COL6A3: variants seen among roughly 807,000 people sequenced by gnomAD.
The protein encoded by COL6A3 is collagen type VI alpha 3 chain.
Under a neutral mutation model 274.1 loss-of-function variants are expected in COL6A3, and 137 were observed. The observed-to-expected ratio is 0.50, with a 90% CI of 0.44 to 0.58. COL6A3 has a LOEUF of 0.58. Among genes scored for constraint, COL6A3 ranks in the 20% least tolerant of loss-of-function variants. The pLI is 0.00. For synonymous variants in COL6A3, 1,650 were observed against 1,650.6 expected, an observed-to-expected ratio of 1.00 and a Z score of 0.01; for missense variants, 3,950 against 4,124.9, an observed-to-expected ratio of 0.96 and a Z score of 1.16.
chr2:237,383,478 A>G (rs2078062773), intron 4 of COL6A3, among the ~76,000 whole-genome samples: 1 of 152,142 alleles, frequency 6.6e-6, no homozygotes, highest in South Asian at 2.1e-4. Context: ...AGATAAAACT[A>G]ATGTGTAGAT....
At chr2:237,405,014 C>A (rs2078684887) in intron 1 of COL6A3, among the ~76,000 whole-genome samples, 1 of 152,042 alleles carries the variant, frequency 6.6e-6, no homozygotes, top group African/African-American at 2.4e-5. Flanking sequence ...ATACACTGTG[C>A]ACAGGAATTA....
Position 237,340,780 on chromosome 2 carries a change from G to T in COL6A3, c.8136C>A (p.Thr2712=). Residue 2712 remains threonine (T), a synonymous_variant, in exon 38 of 44, where the codon ACC becomes ACA. Coordinates refer to ENST00000295550, the MANE Select transcript of COL6A3 (RefSeq NM_004369.4). ...ATTCAATGGCACTGCCTAAGGCCCT[G>T]GTTCCCTGCAACTGTGTCATTCCCC... ...LSRGMTQLQG[T]RALGSAIEYT... The T allele has an allele frequency of 6.2e-7, 1 of 1,614,160 alleles. No homozygotes were observed. Among genetic ancestry groups the T allele is most frequent in the Non-Finnish European group, 8.5e-7 (1 of 1,180,036 alleles).
intron 27 of COL6A3, among the ~76,000 whole-genome samples, chr2:237,350,776 G>A (rs188140955): frequency 1.5e-4 from 23 of 152,282 alleles, no homozygotes; most frequent in African/African-American, 3.9e-4. Flanking sequence ...ATATTATACT[G>A]AAACTGTACC....
chr2:237,353,007 C>T (rs564313118), intron 25 of COL6A3, among the ~76,000 whole-genome samples: 6 of 152,136 alleles, frequency 3.9e-5, no homozygotes, highest in Non-Finnish European at 8.8e-5. Context: ...CATGATGCTC[C>T]GTCAAGCCAC....
chr2:237,410,538 C>G (rs140633269), intron 1 of COL6A3, among the ~76,000 whole-genome samples: 1 of 152,228 alleles, frequency 6.6e-6, no homozygotes, highest in East Asian at 1.9e-4. Flanking sequence ...CTCCTGGGCT[C>G]AAGCGATCCG....
chr2:237,325,500 G>A (rs1378516312), intron 43 of COL6A3, 60 bp downstream of exon 43: 20 of 1,556,860 alleles, frequency 1.3e-5, no homozygotes, highest in Non-Finnish European at 1.7e-5. Context: ...TTTTCAAGGT[G>A]ACTTATTGAC....
In COL6A3 at chr2:237,374,690, T is replaced by C; in HGVS notation, c.3401A>G (p.Gln1134Arg). Residue 1134 changes from glutamine (Q) to arginine (R), a missense_variant, in exon 8 of 44, where the codon CAG becomes CGG. By Grantham distance (43) the Gln-to-Arg change is conservative. This residue lies in a region of COL6A3 where 1,934 missense variants were observed against 1,984.3 expected (regional missense o/e 0.97). Transcript: ENST00000295550. The surrounding 1 kb of genome is among the most constrained non-coding windows in gnomAD (Gnocchi z 4.8). ...AGSRITEGVP[Q>R]LLIVLTADRS... ...GTCGGCCGTGAGGACGATCAGCAGC[T>C]GGGGCACACCTTCTGTTATCCTGCT... is the stretch of plus-strand genomic sequence containing the variant. 1.2e-6 allele frequency: 2 copies of C among 1,613,786 alleles called. No individual in the cohort carries two copies. Among genetic ancestry groups the C allele is most frequent in the Non-Finnish European group, 1.7e-6 (2 of 1,179,760 alleles).
chr2:237,344,879 C>G lies in COL6A3; in HGVS notation c.7175-36G>C. The stretch of plus-strand genomic sequence containing the variant: ...TAGAGGGTGGAGGGTTAAAGACAAA[C>G]TGTACTTACTACAAAAGGGAGGCTT... On this transcript the variant is annotated intron_variant, in intron 35 of 43. Transcript: ENST00000295550. This position sits in a 1 kb window ranked among gnomAD's most constrained non-coding sequence, Gnocchi z 4.8. 1.2e-6 allele frequency: 2 copies of G among 1,614,008 alleles called. No homozygotes were observed. Among genetic ancestry groups the G allele is most frequent in the Non-Finnish European group, 1.7e-6 (2 of 1,180,038 alleles).
chr2:237,333,413 T>C, intron 42 of COL6A3, 37 bp downstream of exon 42: 1 of 1,574,318 alleles, frequency 6.4e-7, no homozygotes, highest in East Asian at 2.2e-5. Flanking sequence ...GGTATTTTCT[T>C]AGTGCCATTA....
chr2:237,380,973 C>A lies in COL6A3; in HGVS notation c.1839G>T (p.Leu613Phe). ...FIPAEFRAAP[L>F]QGMLPGLLAP... ...CCAGCAAGCCAGGCAGCATGCCTTG[C>A]AATGGGGCGGCTCGGAACTCAGCTG... Residue 613 changes from leucine (L) to phenylalanine (F), a missense_variant, in exon 5 of 44, where the codon TTG (leucine) becomes TTT (phenylalanine). Physicochemically the swap from Leu to Phe is conservative, Grantham distance 22 (BLOSUM62 0). This residue lies in a region of COL6A3 where 1,934 missense variants were observed against 1,984.3 expected (regional missense o/e 0.97). Coordinates refer to ENST00000295550, the MANE Select transcript of COL6A3 (RefSeq NM_004369.4). 1 of 1,614,184 alleles carries A rather than the reference C, an allele frequency of 6.2e-7. No individual in the cohort carries two copies.
At chr2:237,354,009 G>T (rs949336941) in intron 24 of COL6A3, among the ~76,000 whole-genome samples, 1 of 147,456 alleles carries the variant, frequency 6.8e-6, no homozygotes, top group Non-Finnish European at 1.5e-5. Context: ...TAGCTACAAA[G>T]AATTTTTTTT....
intron 42 of COL6A3, among the ~76,000 whole-genome samples, chr2:237,331,992 G>A (rs971734985): frequency 7.1e-6 from 1 of 140,794 alleles, no homozygotes; most frequent in East Asian, 2.1e-4. Flanking sequence ...CGATCTCAGT[G>A]TTAAAGGTCT....
rs560969806 is a variant in COL6A3 at position 237,340,129 on chromosome 2, G to A, written c.8464+323C>T. Among the ~76,000 whole-genome samples the A allele has an allele frequency of 5.3e-5, 8 of 152,290 alleles. No homozygotes were observed. In the East Asian group the frequency reaches 5.8e-4, roughly 11 times the overall value. ...GACATGCCAGCCTATTATGTCATGC[G>A]TAATAAATGTGCATTTGATCCATTT... On this transcript the variant is annotated intron_variant, in intron 38 of 43. Transcript: ENST00000295550.
chr2:237,370,760 A>G (rs1424558406), intron 9 of COL6A3, among the ~76,000 whole-genome samples: 2 of 152,200 alleles, frequency 1.3e-5, no homozygotes. Flanking sequence ...GGAGCTGTTT[A>G]AGAAAGAGAG....
At position 237,366,879 on chromosome 2, in the gene COL6A3, C is replaced by G. The variant is rs763289509; in HGVS notation, c.5308G>C (p.Gly1770Arg). ...ACTCCAACAGCAAACACTTTGACCCCCCTCTGGGTGAGGGCCAGGCTCACA... is the reference window on the plus strand; with the variant it reads ...ACTCCAACAGCAAACACTTTGACCCGCCTCTGGGTGAGGGCCAGGCTCACA... ...QDVSLALTQR[G>R]VKVFAVGVRN... Residue 1770 changes from glycine (G) to arginine (R), a missense_variant, in exon 11 of 44, where the codon GGG (glycine) becomes CGG (arginine). Physicochemically the swap from Gly to Arg is moderately radical, Grantham distance 125. This residue lies in a region of COL6A3 where 632 missense variants were observed against 623.4 expected (regional missense o/e 1.01). Coordinates refer to ENST00000295550, the MANE Select transcript of COL6A3 (RefSeq NM_004369.4). 3.1e-6 allele frequency: 5 copies of G among 1,614,256 alleles called. No homozygotes were observed. Among genetic ancestry groups the G allele is most frequent in the African/African-American group, 1.3e-5 (1 of 75,062 alleles).
At chr2:237,327,948 T>G (rs1226655074) in intron 42 of COL6A3, 1 of 152,216 alleles carries the variant, frequency 6.6e-6, no homozygotes, top group African/African-American at 2.4e-5. Context: ...ATGCAATAGT[T>G]GTTCATCTTT....
chr2:237,328,638 C>CA (rs896136109), intron 42 of COL6A3: 3 of 152,154 alleles, frequency 2.0e-5, no homozygotes, highest in Non-Finnish European at 4.4e-5. Flanking sequence ...TTATAATCAG[C>CA]AAAAAATATA....
chr2:237,376,646 T>G (rs2077848044), intron 7 of COL6A3, 126 bp downstream of exon 7: 1 of 933,250 alleles, frequency 1.1e-6, no homozygotes, highest in South Asian at 1.3e-5. Flanking sequence ...CAGCAGGTGA[T>G]TAATTTTCCA....
chr2:237,351,053 T>A, intron 27 of COL6A3, 77 bp downstream of exon 27: 1 of 1,397,000 alleles, frequency 7.2e-7, no homozygotes, highest in East Asian at 2.3e-5. Context: ...ACAGACAGAC[T>A]GACCAAAGAG....
Sources: allele counts gnomAD v4.1 joint callset (sites outside exome capture counted in the v4.1 genomes callset), GRCh38; gene constraint gnomAD v4.1.1; regional missense constraint gnomAD v4.1.1; non-coding constraint Gnocchi (gnomAD v3.1); transcripts MANE v1.5; gene names NCBI Gene and HGNC (gene_info 2026-07-23, HGNC 2026-07-21).